The following EVI5 variants were observed in gnomAD, a reference collection of about 807,000 sequenced individuals.
The protein encoded by EVI5 is ecotropic viral integration site 5.
Under a neutral mutation model 112.0 loss-of-function variants are expected in EVI5, and 73 were observed. That is an observed-to-expected ratio of 0.65 (90% CI 0.54 to 0.79). The LOEUF is 0.79. Ranked by LOEUF, EVI5 falls within the 30% of genes least tolerant of loss-of-function variation. The pLI, the probability that EVI5 is intolerant of heterozygous loss-of-function variation, is 0.00. For synonymous variants in EVI5, 305 were observed against 319.9 expected (o/e 0.95, Z 0.50); for missense variants, 900 against 968.8 (o/e 0.93, Z 0.94).
At chr1:92,673,738 C>T (rs920077584) in intron 10 of EVI5, among the ~76,000 whole-genome samples, 2 of 152,118 alleles carry the variant, frequency 1.3e-5, no homozygotes, top group African/African-American at 4.8e-5. Flanking sequence ...ATTTCACACG[C>T]AAAATTTAAG....
At chr1:92,516,253 G>A (rs1430758001) in intron 19 of EVI5, among the ~76,000 whole-genome samples, 2 of 152,162 alleles carry the variant, frequency 1.3e-5, no homozygotes, top group Non-Finnish European at 1.5e-5. Flanking sequence ...CTGTTATAAA[G>A]GAGGAGTATG....
intron 16 of EVI5, among the ~76,000 whole-genome samples, chr1:92,613,130 C>T (rs1374027293): frequency 1.3e-5 from 2 of 151,876 alleles, no homozygotes; most frequent in Admixed American, 1.3e-4. Flanking sequence ...GGCCAAGAAA[C>T]GCTGCTGTCT....
chr1:92,735,442 A>G (rs1677162909), intron 2 of EVI5, among the ~76,000 whole-genome samples: 1 of 151,944 alleles, frequency 6.6e-6, no homozygotes, highest in Non-Finnish European at 1.5e-5. Flanking sequence ...ATATGTCAGA[A>G]TGTATCAAAT....
intron 19 of EVI5, among the ~76,000 whole-genome samples, chr1:92,551,657 T>G (rs1666959305): frequency 6.6e-6 from 1 of 152,228 alleles, no homozygotes; most frequent in African/African-American, 2.4e-5. Flanking sequence ...TTTAGATGTT[T>G]ATATTTCATT....
chr1:92,747,778 G>A (rs1679535177), intron 1 of EVI5, among the ~76,000 whole-genome samples: 1 of 145,732 alleles, frequency 6.9e-6, no homozygotes, highest in African/African-American at 2.6e-5. Context: ...CTGGAGGCTA[G>A]AAGTCCAAAA....
chr1:92,720,486 A>C (rs61259042), intron 2 of EVI5, among the ~76,000 whole-genome samples: 3,968 of 150,912 alleles, frequency 0.026, 167 homozygotes, highest in African/African-American at 0.077. Flanking sequence ...TAGAAAGCTG[A>C]AACTGGATCC....
At chr1:92,556,728 A>G (rs1265814043) in intron 19 of EVI5, among the ~76,000 whole-genome samples, 1 of 152,242 alleles carries the variant, frequency 6.6e-6, no homozygotes, top group African/African-American at 2.4e-5. Context: ...TTTTTGATAT[A>G]TATTTAAATC....
chr1:92,754,824 A>AC (rs1680680788), intron 1 of EVI5, among the ~76,000 whole-genome samples: 1 of 152,214 alleles, frequency 6.6e-6, no homozygotes. Flanking sequence ...GAAAGCGCAT[A>AC]ACAGCATAAA....
chr1:92,652,906 C>T (rs79825364), intron 13 of EVI5, among the ~76,000 whole-genome samples: 4,622 of 152,162 alleles, frequency 0.03, 205 homozygotes, highest in African/African-American at 0.095. Context: ...CTAGGAACCC[C>T]GAGGGATTTG....
At chr1:92,630,520 T>C (rs1656789207) in intron 14 of EVI5, among the ~76,000 whole-genome samples, 1 of 152,156 alleles carries the variant, frequency 6.6e-6, no homozygotes, top group Non-Finnish European at 1.5e-5. Flanking sequence ...GGGTTGTTTG[T>C]TTTTTTCTTG....
At chr1:92,520,328 G>T (rs543968136) in intron 19 of EVI5, among the ~76,000 whole-genome samples, 49 of 152,254 alleles carry the variant, frequency 3.2e-4, no homozygotes, top group African/African-American at 1.1e-3. Context: ...AGAGGCCTGA[G>T]AAGAGGCATA....
upstream of EVI5, among the ~76,000 whole-genome samples, chr1:92,787,600 G>T (rs1355102326): frequency 6.6e-6 from 1 of 152,110 alleles, no homozygotes; most frequent in East Asian, 1.9e-4. Context: ...ATTTAGACAG[G>T]TGTGGTGGTA....
At position 92,628,570 on chromosome 1, in the gene EVI5, C is replaced by G. The variant is rs4642892; in HGVS notation, c.1528-2636G>C. 5.8e-3 allele frequency among the ~76,000 whole-genome samples: 886 copies of G among 152,058 alleles called. 8 individuals are homozygous for G. Among genetic ancestry groups the G allele is most frequent in the African/African-American group, 0.019 (787 of 41,476 alleles). On this transcript the variant is annotated intron_variant, in intron 14 of 19. Transcript: ENST00000684568. ...GTGGCTAGCCAATTATCCCAGCACA[C>G]GGATACAAGACTTAGATCAATTTCC...
intron 10 of EVI5, among the ~76,000 whole-genome samples, chr1:92,673,806 G>A (rs1422295100): frequency 6.6e-6 from 1 of 152,098 alleles, no homozygotes; most frequent in Non-Finnish European, 1.5e-5. Context: ...TAGGGAAGAG[G>A]TGAAAAAATA....
intron 2 of EVI5, among the ~76,000 whole-genome samples, chr1:92,713,618 A>C (rs4847285): frequency 0.9 from 136,954 of 151,828 alleles, 61,878 homozygotes; most frequent in East Asian, 0.97. Flanking sequence ...TCTACCAAAA[A>C]CTACAAAAAT....
intron 15 of EVI5, among the ~76,000 whole-genome samples, chr1:92,624,689 CAAAAAAAAAAAAAAAAA>C (rs141559165): frequency 3.7e-4 from 19 of 51,762 alleles, no homozygotes; most frequent in South Asian, 1.1e-3. Flanking sequence ...GTCTCTACTT[CAAAAAAAAAAAAAAAAA>C]AAAAAAAAAA....
intron 18 of EVI5, among the ~76,000 whole-genome samples, chr1:92,602,374 T>C (rs1483379690): frequency 6.6e-6 from 1 of 152,100 alleles, no homozygotes; most frequent in Non-Finnish European, 1.5e-5. Flanking sequence ...GCATAAGAAG[T>C]GACAAAACAC....
At chr1:92,698,839 T>A (rs1263155656) in intron 5 of EVI5, among the ~76,000 whole-genome samples, 1 of 152,232 alleles carries the variant, frequency 6.6e-6, no homozygotes, top group Non-Finnish European at 1.5e-5. Context: ...AAGGTACCAA[T>A]TTCACATTTT....
At chr1:92,557,901 T>G (rs1571525343) in intron 19 of EVI5, among the ~76,000 whole-genome samples, 1 of 150,592 alleles carries the variant, frequency 6.6e-6, no homozygotes, top group African/African-American at 2.4e-5. Flanking sequence ...ATTTTTGTAT[T>G]TATTTATTTA....
Sources: gnomAD v4.1 joint callset for allele counts (sites outside exome capture counted in the v4.1 genomes callset) on GRCh38, gnomAD v4.1.1 for gene constraint, MANE v1.5 for transcripts, NCBI Gene and HGNC (gene_info 2026-07-23, HGNC 2026-07-21) for gene names.